Variants in SMTNL2 observed in about 807,000 individuals in gnomAD.
SMTNL2 encodes smoothelin-like protein 2.
SMTNL2 carries 43 observed loss-of-function variants against 44.1 expected under a neutral mutation model. The observed-to-expected ratio is 0.98, with a 90% confidence interval of 0.76 to 1.26. The LOEUF is 1.26. Among genes scored for constraint, SMTNL2 ranks in the 50% most tolerant of loss-of-function variants. SMTNL2 has a pLI of 0.00. For missense variants in SMTNL2, 646 were observed against 670.2 expected, an observed-to-expected ratio of 0.96 and a Z score of 0.40; for synonymous variants, 317 against 287.6, an observed-to-expected ratio of 1.10 and a Z score of -1.03.
rs1399461347 is a variant in SMTNL2 at position 4,595,206 on chromosome 17, G to A, written c.868G>A (p.Val290Ile). The change falls in exon 5 of 8, where the codon GTC (valine) becomes ATC (isoleucine). Residue 290 changes from valine (V) to isoleucine (I), a missense_variant. Coordinates refer to ENST00000389313, the MANE Select transcript of SMTNL2 (RefSeq NM_001114974.2). This position sits in a 1 kb window ranked among gnomAD's most constrained non-coding sequence, Gnocchi z 5.1. Reference protein sequence around the residue: ...VSPQPPAITQVHRQGERRREL... With the variant: ...VSPQPPAITQIHRQGERRREL... ...CCCGCAGCCGCCAGCCATAACTCAG[G>A]TCCATCGGCAGGGGGAGCGTCGCAG... 5 of 1,613,526 alleles carry A rather than the reference G, an allele frequency of 3.1e-6. No individual in the cohort carries two copies. The highest frequency in any genetic ancestry group is 2.2e-5 in the East Asian group (1 of 44,872).
intron 1 of SMTNL2, among the ~76,000 whole-genome samples, chr17:4,588,706 G>C (rs988988911): frequency 2.0e-5 from 3 of 152,220 alleles, no homozygotes; most frequent in African/African-American, 7.2e-5. Flanking sequence ...GGCTAAGACA[G>C]ATCCCATGGG....
chr17:4,585,706 T>G (rs1286550166), intron 1 of SMTNL2, among the ~76,000 whole-genome samples: 1 of 152,194 alleles, frequency 6.6e-6, no homozygotes, highest in Non-Finnish European at 1.5e-5. Flanking sequence ...CCAGAGCAGT[T>G]AGAATGTGTC....
intron 7 of SMTNL2, among the ~76,000 whole-genome samples, chr17:4,604,464 T>C (rs575348081): frequency 2.0e-5 from 3 of 152,268 alleles, no homozygotes; most frequent in Non-Finnish European, 4.4e-5. Context: ...AATGTTACAG[T>C]CTTGTCTCTG....
chr17:4,588,907 A>G (rs1909450770), intron 1 of SMTNL2, among the ~76,000 whole-genome samples: 1 of 152,158 alleles, frequency 6.6e-6, no homozygotes, highest in Admixed American at 6.5e-5. Flanking sequence ...GCCCCACCCC[A>G]CGTCTTGCTT....
intron 5 of SMTNL2, among the ~76,000 whole-genome samples, chr17:4,596,417 C>T (rs1435247997): frequency 6.6e-6 from 1 of 152,252 alleles, no homozygotes; most frequent in Non-Finnish European, 1.5e-5. Flanking sequence ...ACTCATCCCT[C>T]CTGGCTAGGA....
At chr17:4,597,105 G>A (rs1401643664) in intron 6 of SMTNL2, 67 bp from the exon 7 acceptor site, 24 of 1,571,310 alleles carry the variant, frequency 1.5e-5, no homozygotes, top group South Asian at 3.5e-5. Flanking sequence ...TAGGAACCAC[G>A]GTAATTATGC....
chr17:4,584,813 C>A lies in SMTNL2; in HGVS notation c.208C>A (p.Leu70Met). The A allele has an allele frequency of 7.5e-7, 1 of 1,326,388 alleles. No homozygotes were observed. The allele number at this position is 1,326,388 out of a possible 1,614,324, so 82.2% of individuals were successfully genotyped here. Reference protein sequence around the residue: ...VADLQRDNQRLQAQLERLTRQ... With the variant: ...VADLQRDNQRMQAQLERLTRQ... ...CGACCTGCAGCGGGACAACCAGCGGCTGCAGGCGCAGCTCGAGCGCCTGAC... is the reference window on the plus strand; with the variant it reads ...CGACCTGCAGCGGGACAACCAGCGGATGCAGGCGCAGCTCGAGCGCCTGAC... The change falls in exon 1 of 8, where the codon CTG becomes ATG. Residue 70 changes from leucine (L) to methionine (M), a missense_variant. By Grantham distance (15) the Leu-to-Met change is conservative. Coordinates refer to ENST00000389313, the MANE Select transcript of SMTNL2 (RefSeq NM_001114974.2).
Position 4,592,829 on chromosome 17 carries a change from G to A in SMTNL2, c.488-100G>A. On this transcript the variant is annotated intron_variant, in intron 2 of 7. Transcript: ENST00000389313. This position sits in a 1 kb window ranked among gnomAD's most constrained non-coding sequence, Gnocchi z 4.5. ...AGTCAGGGAGGCCTTCCTAGAGGAG[G>A]TGGGAGGAGGGCCCAGGGAGGCTAG... The A allele has an allele frequency of 2.0e-6, 3 of 1,485,062 alleles. No homozygotes were observed. The highest frequency in any genetic ancestry group is 2.7e-6 in the Non-Finnish European group (3 of 1,106,648). 92.0% of individuals were successfully genotyped at this position (1,485,062 alleles called of 1,614,324 possible).
chr17:4,593,686 A>G (rs1264562203), intron 3 of SMTNL2, 136 bp from the exon 4 acceptor site: 1 of 796,530 alleles, frequency 1.3e-6, no homozygotes, highest in African/African-American at 1.7e-5. Context: ...AGGCAGGGCC[A>G]GCTTAGCCCA....
intron 4 of SMTNL2, among the ~76,000 whole-genome samples, chr17:4,594,763 G>A (rs1909736101): frequency 6.6e-6 from 1 of 151,458 alleles, no homozygotes; most frequent in African/African-American, 2.4e-5. Context: ...CTGGCAAACC[G>A]TTCTGGGGAA....
Position 4,584,612 on chromosome 17 carries a change from C to T in SMTNL2, c.7C>T (p.Pro3Ser). 1 of 1,241,434 alleles carries T rather than the reference C, an allele frequency of 8.1e-7. No homozygotes were observed. Among genetic ancestry groups the T allele is most frequent in the Non-Finnish European group, 1.0e-6 (1 of 993,516 alleles). The allele number at this position is 1,241,434 out of a possible 1,614,324, so 76.9% of individuals were successfully genotyped here. A position where few individuals can be genotyped will look rare whatever the true frequency, so the allele number is the denominator to read the frequency against. Residue 3 changes from proline (P) to serine (S), a missense_variant, in exon 1 of 8, where the codon CCG becomes TCG. Coordinates refer to ENST00000389313, the MANE Select transcript of SMTNL2 (RefSeq NM_001114974.2). ...CCGCGCGCTCTGCTGGGCCATGGAGCCGGCCCCCGACGCCCAGGAGGCGCG... is the reference window on the plus strand; with the variant it reads ...CCGCGCGCTCTGCTGGGCCATGGAGTCGGCCCCCGACGCCCAGGAGGCGCG... The part of the protein sequence containing the change: ME[P>S]APDAQEARTV...
In SMTNL2 at chr17:4,595,274, G is replaced by T. The variant is rs567923465; in HGVS notation, c.936G>T (p.Ala312=). ...AGACGCTGCCCCGCACCTCGGAGGC[G>T]CAGGCCCGGAAAGCATTGTTTGAGA... The part of the protein sequence containing the change: ...RSQTLPRTSE[A]QARKALFEKW... The change falls in exon 5 of 8, where the codon GCG becomes GCT. Residue 312 remains alanine (A), a synonymous_variant. Coordinates refer to ENST00000389313, the MANE Select transcript of SMTNL2 (RefSeq NM_001114974.2). This position sits in a 1 kb window ranked among gnomAD's most constrained non-coding sequence, Gnocchi z 5.1. The T allele has an allele frequency of 1.2e-6, 2 of 1,613,264 alleles. No individual in the cohort carries two copies. Among genetic ancestry groups the T allele is most frequent in the African/African-American group, 1.3e-5 (1 of 75,072 alleles).
At chr17:4,589,025 C>T (rs566990886) in intron 1 of SMTNL2, among the ~76,000 whole-genome samples, 7 of 152,166 alleles carry the variant, frequency 4.6e-5, no homozygotes, top group African/African-American at 1.4e-4. Context: ...TGCTTCTAGT[C>T]GTGGGGCAGG....
Position 4,593,066 on chromosome 17 carries a change from G to A in SMTNL2, c.625G>A (p.Gly209Arg). The A allele has an allele frequency of 6.2e-7, 1 of 1,614,016 alleles. No individual in the cohort carries two copies. The highest frequency in any genetic ancestry group is 8.5e-7 in the Non-Finnish European group (1 of 1,179,996). The change falls in exon 3 of 8, where the codon GGG becomes AGG. Residue 209 changes from glycine to arginine, a missense_variant. By Grantham distance (125) the Gly-to-Arg change is moderately radical. Transcript: ENST00000389313. ...AITRVSDRFS[G>R]ETSAAALSPM... is the part of the protein sequence containing the mutation. ...CACCCGAGTCTCTGACAGGTTCTCT[G>A]GGGAGACCTCAGCTGCGGCTCTATC...
chr17:4,594,464 T>TAAAA (rs1395067967), intron 4 of SMTNL2, among the ~76,000 whole-genome samples: 1 of 150,160 alleles, frequency 6.7e-6, no homozygotes, highest in African/African-American at 2.5e-5. Context: ...AATAAATAAA[T>TAAAA]AAATAAATAA....
chr17:4,589,545 C>T (rs945655190), intron 1 of SMTNL2, among the ~76,000 whole-genome samples: 3 of 152,138 alleles, frequency 2.0e-5, no homozygotes, highest in Non-Finnish European at 4.4e-5. Context: ...GGCCTCTCCT[C>T]CTCCCACTCT....
rs1910312712 is a variant in SMTNL2, at chr17:4,607,217, A to G, written c.1260-144A>G. 3 of 1,289,216 alleles carry G rather than the reference A, an allele frequency of 2.3e-6. No individual in the cohort carries two copies. The highest frequency in any genetic ancestry group is 3.2e-6 in the Non-Finnish European group (3 of 931,768). 79.9% of individuals were successfully genotyped at this position (1,289,216 alleles called of 1,614,324 possible). A position where few individuals can be genotyped will look rare whatever the true frequency, so the allele number is the denominator to read the frequency against. On this transcript the variant is annotated intron_variant, in intron 7 of 7. Coordinates refer to ENST00000389313, the MANE Select transcript of SMTNL2 (RefSeq NM_001114974.2). This position sits in a 1 kb window ranked among gnomAD's most constrained non-coding sequence, Gnocchi z 4.7. ...TGACTCCAAGGGTTCTGCCAGGGTT[A>G]TCTGAATTCCCCGCTGGTGGGTCCT...
chr17:4,584,629 GGAGGCGCGCAC>G lies in SMTNL2; in HGVS notation c.25_35del (p.Glu9CysfsTer127). 1 of 1,247,926 alleles carries G rather than the reference GGAGGCGCGCAC, an allele frequency of 8.0e-7. No homozygotes were observed. The highest frequency in any genetic ancestry group is 1.0e-6 in the Non-Finnish European group (1 of 997,376). 77.3% of individuals were successfully genotyped at this position (1,247,926 alleles called of 1,614,324 possible). A position where few individuals can be genotyped will look rare whatever the true frequency, so the allele number is the denominator to read the frequency against. ...CCATGGAGCCGGCCCCCGACGCCCA[GGAGGCGCGCAC>G]TGTGCGCGAGGCGCTGGGCCGCTAC... On this transcript the variant is annotated frameshift_variant, in exon 1 of 8. Coordinates refer to ENST00000389313, the MANE Select transcript of SMTNL2 (RefSeq NM_001114974.2). LOFTEE classifies it high-confidence loss of function.
intron 1 of SMTNL2, among the ~76,000 whole-genome samples, chr17:4,589,337 C>T (rs553018310): frequency 1.6e-4 from 24 of 152,158 alleles, no homozygotes; most frequent in African/African-American, 4.3e-4. Flanking sequence ...ACCTGTCAGA[C>T]GAGAGCAGGG....
Sources: allele counts gnomAD v4.1 joint callset (sites outside exome capture counted in the v4.1 genomes callset), GRCh38; gene constraint gnomAD v4.1.1; non-coding constraint Gnocchi (gnomAD v3.1); transcripts MANE v1.5; gene names NCBI Gene and HGNC (gene_info 2026-07-23, HGNC 2026-07-21).